SLC25A48: variants seen among roughly 807,000 people sequenced by gnomAD.
The protein encoded by SLC25A48 is CTC-321K16.1.
SLC25A48 carries 29 observed loss-of-function variants against 32.2 expected under a neutral mutation model. That is an observed-to-expected ratio of 0.90 (90% CI 0.67 to 1.23). The LOEUF is 1.23. Ranked by LOEUF, SLC25A48 falls within the 50% of genes most tolerant of loss-of-function variation. SLC25A48 has a pLI of 0.00. For synonymous variants in SLC25A48, 164 were observed against 172.3 expected, an observed-to-expected ratio of 0.95 and a Z score of 0.38; for missense variants, 399 against 422.7, an observed-to-expected ratio of 0.94 and a Z score of 0.49.
intron 6 of SLC25A48, among the ~76,000 whole-genome samples, chr5:135,879,358 TCTATTATTA>T (rs1378785502): frequency 1.3e-5 from 2 of 152,106 alleles, no homozygotes; most frequent in Non-Finnish European, 2.9e-5. Context: ...TCAGGTCAAT[TCTATTATTA>T]CCCGCCCCTT....
chr5:135,788,136 C>A (rs918788635), intron 3 of SLC25A48, among the ~76,000 whole-genome samples: 3 of 149,956 alleles, frequency 2.0e-5, no homozygotes, highest in Admixed American at 2.0e-4. Context: ...GTGTACATTC[C>A]CCTGGCATAT....
chr5:135,613,815 C>A (rs1316444185), intron 1 of SLC25A48, among the ~76,000 whole-genome samples: 1 of 152,220 alleles, frequency 6.6e-6, no homozygotes, highest in Non-Finnish European at 1.5e-5. Context: ...TGTTTTTACA[C>A]CAACCCCATG....
intron 3 of SLC25A48, among the ~76,000 whole-genome samples, chr5:135,686,538 C>A (rs1368044485): frequency 6.6e-6 from 1 of 152,190 alleles, no homozygotes; most frequent in African/African-American, 2.4e-5. Context: ...CATGCTACAC[C>A]CTGGCACACT....
chr5:135,665,941 AC>A, intron 3 of SLC25A48, among the ~76,000 whole-genome samples: 1 of 152,174 alleles, frequency 6.6e-6, no homozygotes, highest in South Asian at 2.1e-4. Flanking sequence ...TTATTTGGGT[AC>A]TTTTTTCCTC....
At chr5:135,722,878 T>G (rs1561463593) in intron 3 of SLC25A48, among the ~76,000 whole-genome samples, 1 of 152,220 alleles carries the variant, frequency 6.6e-6, no homozygotes, top group Non-Finnish European at 1.5e-5. Context: ...GCTTTTCATC[T>G]CATTTAGCTT....
At position 135,629,788 on chromosome 5, in the gene SLC25A48, C is replaced by T. The variant is rs1295793133; in HGVS notation, c.-709+412C>T. Among the ~76,000 whole-genome samples the T allele has an allele frequency of 2.6e-5, 4 of 152,226 alleles. No homozygotes were observed. The highest frequency in any genetic ancestry group is 2.6e-4 in the Admixed American group (4 of 15,284). Reference sequence around the variant, plus strand: ...TGCTCTCAGTGGTAGGGCATGTTAACTCTCCAGCACTTCTGGCCTGCTCTG... The same window carrying T: ...TGCTCTCAGTGGTAGGGCATGTTAATTCTCCAGCACTTCTGGCCTGCTCTG... On this transcript the variant is annotated intron_variant, in intron 2 of 10. Coordinates refer to the SLC25A48 transcript ENST00000646290. The surrounding 1 kb of genome is among the most constrained non-coding windows in gnomAD (Gnocchi z 4.8).
intron 3 of SLC25A48, among the ~76,000 whole-genome samples, chr5:135,741,773 T>C (rs373200035): frequency 3.9e-5 from 6 of 152,292 alleles, no homozygotes; most frequent in African/African-American, 1.4e-4. Context: ...GTGAATGCCC[T>C]TCTTAGTTCA....
At chr5:135,762,354 C>T (rs191329111) in intron 3 of SLC25A48, among the ~76,000 whole-genome samples, 3 of 152,112 alleles carry the variant, frequency 2.0e-5, no homozygotes, top group Admixed American at 1.3e-4. Context: ...AGGCACACAT[C>T]GTGCTGGAAG....
At chr5:135,677,834 A>G (rs140134170) in intron 3 of SLC25A48, among the ~76,000 whole-genome samples, 2 of 152,278 alleles carry the variant, frequency 1.3e-5, no homozygotes, top group African/African-American at 4.8e-5. Context: ...CACTTTGACT[A>G]TGTGATCCCA....
chr5:135,874,701 C>T (rs1344977851), intron 6 of SLC25A48: 1 of 702,486 alleles, frequency 1.4e-6, no homozygotes, highest in African/African-American at 1.7e-5. Flanking sequence ...TGTGTCTCCT[C>T]TGTTCTTCCT....
At chr5:135,869,425 C>T (rs1032029137) in intron 4 of SLC25A48, among the ~76,000 whole-genome samples, 1 of 152,152 alleles carries the variant, frequency 6.6e-6, no homozygotes, top group African/African-American at 2.4e-5. Context: ...AAAAGGAAAA[C>T]AGTACAGGAT....
chr5:135,852,662 A>T lies in SLC25A48; in HGVS notation c.262A>T (p.Ser88Cys). ...CTTCAGTAACACGCAGCGGTTCCTC[A>T]GCCAGCACCGCTGCGGGGAGCCAGA... The part of the protein sequence containing the change: ...GVFSNTQRFL[S>C]QHRCGEPEAS... Residue 88 changes from serine to cysteine, a missense_variant, in exon 4 of 8, where the codon AGC (serine) becomes TGC (cysteine). Physicochemically the swap from Ser to Cys is moderately radical, Grantham distance 112. Coordinates refer to ENST00000681962, the MANE Select transcript of SLC25A48 (RefSeq NM_001349336.2). 1 of 1,613,820 alleles carries T rather than the reference A, an allele frequency of 6.2e-7. No homozygotes were observed. The highest frequency in any genetic ancestry group is 8.5e-7 in the Non-Finnish European group (1 of 1,179,822).
chr5:135,620,901 T>G (rs1752310915), intron 1 of SLC25A48, among the ~76,000 whole-genome samples: 1 of 152,112 alleles, frequency 6.6e-6, no homozygotes, highest in South Asian at 2.1e-4. Context: ...GCTGGAGATC[T>G]CTCTCTTACC....
chr5:135,678,246 G>T (rs145982714), intron 3 of SLC25A48, among the ~76,000 whole-genome samples: 144 of 151,868 alleles, frequency 9.5e-4, no homozygotes, highest in African/African-American at 3.1e-3. Context: ...TGCCTGACTG[G>T]GTTATTTCAA....
intron 3 of SLC25A48, among the ~76,000 whole-genome samples, chr5:135,789,053 A>G (rs1756938776): frequency 6.7e-6 from 1 of 149,272 alleles, no homozygotes. Flanking sequence ...GTACACCCCC[A>G]TGCCATATGG....
At chr5:135,612,534 C>T (rs139142157) in intron 1 of SLC25A48, among the ~76,000 whole-genome samples, 1,719 of 152,314 alleles carry the variant, frequency 0.011, 19 homozygotes, top group South Asian at 0.019. Flanking sequence ...TCCACCCCTG[C>T]CCTGCCACGT....
At chr5:135,585,219 C>A (rs1257461048) in intron 1 of SLC25A48, among the ~76,000 whole-genome samples, 5 of 152,212 alleles carry the variant, frequency 3.3e-5, no homozygotes, top group Admixed American at 6.5e-5. Flanking sequence ...TCATTCTGCT[C>A]TGCCCCACCT....
chr5:135,592,821 C>T (rs971086786), intron 1 of SLC25A48, among the ~76,000 whole-genome samples: 1 of 152,166 alleles, frequency 6.6e-6, no homozygotes, highest in African/African-American at 2.4e-5. Context: ...GAACAGACAT[C>T]TGTGGCTTTC....
intron 3 of SLC25A48, among the ~76,000 whole-genome samples, chr5:135,767,805 A>G (rs986117367): frequency 6.6e-6 from 1 of 151,546 alleles, no homozygotes; most frequent in Non-Finnish European, 1.5e-5. Context: ...ATTGTTCATA[A>G]TATCCACAGA....
Sources: allele counts gnomAD v4.1 joint callset (sites outside exome capture counted in the v4.1 genomes callset), GRCh38; gene constraint gnomAD v4.1.1; non-coding constraint Gnocchi (gnomAD v3.1); transcripts MANE v1.5; gene names NCBI Gene and HGNC (gene_info 2026-07-23, HGNC 2026-07-21).